The following ARHGAP32 variants were observed in gnomAD, a reference collection of about 807,000 sequenced individuals.
ARHGAP32 encodes Rho GTPase activating protein 32, also known as rho GTPase-activating protein 32.
Under a neutral mutation model 186.5 loss-of-function variants are expected in ARHGAP32, and 51 were observed. The ratio of observed to expected loss-of-function variants is 0.27; its 90% CI spans 0.22 to 0.35. ARHGAP32 has a LOEUF of 0.35. Ranked by LOEUF, ARHGAP32 falls within the 10% of genes least tolerant of loss-of-function variation. The probability of loss-of-function intolerance (pLI) is 1.00; values close to 1 mark genes in which losing one functional copy is unlikely to be tolerated. For missense variants in ARHGAP32, 2,186 were observed against 2,623.5 expected (o/e 0.83, Z 3.64); for synonymous variants, 950 against 964.3 (o/e 0.99, Z 0.27).
intron 1 of ARHGAP32, among the ~76,000 whole-genome samples, chr11:129,177,898 C>T (rs1037403097): frequency 6.6e-6 from 1 of 152,200 alleles, no homozygotes; most frequent in South Asian, 2.1e-4. Context: ...TGCCCTCTCT[C>T]ACCACTCACT....
chr11:129,177,049 T>G (rs1327202626), intron 1 of ARHGAP32, among the ~76,000 whole-genome samples: 2 of 147,174 alleles, frequency 1.4e-5, no homozygotes, highest in Middle Eastern at 3.5e-3. Flanking sequence ...GCAAGACTAA[T>G]AAAGAAAAAA....
chr11:129,186,323 T>C (rs894115938), intron 1 of ARHGAP32, among the ~76,000 whole-genome samples: 1 of 152,196 alleles, frequency 6.6e-6, no homozygotes, highest in East Asian at 1.9e-4. Flanking sequence ...CCCAAAGGGC[T>C]TAATTACTAA....
intron 18 of ARHGAP32, among the ~76,000 whole-genome samples, chr11:128,980,090 A>G (rs1266868404): frequency 6.6e-6 from 1 of 152,218 alleles, no homozygotes; most frequent in Non-Finnish European, 1.5e-5. Flanking sequence ...ACTTCTAGCA[A>G]TTATCACCAG....
intron 1 of ARHGAP32, among the ~76,000 whole-genome samples, chr11:129,211,189 GTTT>G (rs1944574880): frequency 1.3e-5 from 2 of 152,126 alleles, no homozygotes; most frequent in South Asian, 4.1e-4. Flanking sequence ...TTAACTAACT[GTTT>G]TTAACTAACT....
intron 5 of ARHGAP32, among the ~76,000 whole-genome samples, chr11:129,106,157 C>T (rs868591982): frequency 2.0e-5 from 3 of 152,066 alleles, no homozygotes; most frequent in East Asian, 1.9e-4. Flanking sequence ...TTTGACCCAG[C>T]GATCCCATTA....
intron 5 of ARHGAP32, among the ~76,000 whole-genome samples, 165 bp from the exon 6 acceptor site, chr11:129,093,872 G>A (rs1941655243): frequency 6.6e-6 from 1 of 152,132 alleles, no homozygotes; most frequent in Admixed American, 6.5e-5. Flanking sequence ...ATGAATGAAG[G>A]ACTTGGTGTT....
intron 11 of ARHGAP32, among the ~76,000 whole-genome samples, chr11:129,017,210 C>T (rs955872506): frequency 1.3e-5 from 2 of 152,206 alleles, no homozygotes; most frequent in Non-Finnish European, 1.5e-5. Context: ...AATCCCAGCA[C>T]TTTGGGAGGC....
intron 1 of ARHGAP32, among the ~76,000 whole-genome samples, chr11:129,262,783 CA>C (rs10719430): frequency 0.98 from 148,219 of 151,578 alleles, 72,482 homozygotes; most frequent in African/African-American, 0.99. Flanking sequence ...TGCAACACAC[CA>C]AAAAAAAAAC....
At chr11:129,279,011 C>T (rs895914985) in intron 1 of ARHGAP32, 121 of 147,936 alleles carry the variant, frequency 8.2e-4, no homozygotes, top group African/African-American at 2.8e-3. Flanking sequence ...CGAGAGGCTC[C>T]TCCGGGAGCA....
At chr11:129,198,379 G>A (rs1565466365) in intron 1 of ARHGAP32, among the ~76,000 whole-genome samples, 1 of 152,182 alleles carries the variant, frequency 6.6e-6, no homozygotes, top group African/African-American at 2.4e-5. Flanking sequence ...GTTTGGCTGT[G>A]TCCCCACCCA....
chr11:128,989,881 G>A lies in ARHGAP32; in HGVS notation c.1196-1756C>T, dbSNP rs571013682. Among the ~76,000 whole-genome samples, 7 of 152,190 alleles carry A rather than the reference G, an allele frequency of 4.6e-5. No homozygotes were observed. In the East Asian group the frequency reaches 1.4e-3, roughly 29 times the overall value. The stretch of plus-strand genomic sequence containing the variant: ...CAACTTCATCCATGTCCCTGCAAAG[G>A]ACATGAACTCATCCTTTTTTATGGC... On this transcript the variant is annotated intron_variant, in intron 12 of 22. Coordinates refer to ENST00000682385, the MANE Select transcript of ARHGAP32 (RefSeq NM_001378024.1).
At chr11:129,046,679 G>A (rs907280563) in intron 10 of ARHGAP32, among the ~76,000 whole-genome samples, 2 of 152,172 alleles carry the variant, frequency 1.3e-5, no homozygotes, top group African/African-American at 4.8e-5. Flanking sequence ...GAATATTAGA[G>A]AAGAAACTAC....
intron 12 of ARHGAP32, among the ~76,000 whole-genome samples, chr11:128,994,533 G>A (rs1041477743): frequency 4.0e-5 from 6 of 151,526 alleles, no homozygotes; most frequent in Admixed American, 1.3e-4. Context: ...TGCCCAGGCT[G>A]GTCTCAAACC....
At chr11:129,152,616 C>T (rs1043738254) in intron 2 of ARHGAP32, among the ~76,000 whole-genome samples, 2 of 152,044 alleles carry the variant, frequency 1.3e-5, no homozygotes, top group African/African-American at 4.8e-5. Context: ...ACCACATACA[C>T]AAAATTTATA....
chr11:129,115,419 A>C (rs1359066211), intron 5 of ARHGAP32, among the ~76,000 whole-genome samples: 1 of 152,162 alleles, frequency 6.6e-6, no homozygotes, highest in African/African-American at 2.4e-5. Flanking sequence ...AACAGACCTA[A>C]GAGTTTTTCT....
In ARHGAP32 at chr11:128,985,994, G is replaced by A. The variant is rs749985411; in HGVS notation, c.1526+9C>T. ...TACCTCTGCCTGGTATTTACCCACT[G>A]TGGCTGACCTGTAGTGTGGTGGGGG... is the stretch of plus-strand genomic sequence containing the variant. On this transcript the variant is annotated intron_variant, in intron 15 of 22. Transcript: ENST00000682385. 2 of 1,600,856 alleles carry A rather than the reference G, an allele frequency of 1.2e-6. No homozygotes were observed. Among genetic ancestry groups the A allele is most frequent in the Non-Finnish European group, 1.7e-6 (2 of 1,175,500 alleles).
Position 128,970,765 on chromosome 11 carries a change from T to A in ARHGAP32, c.4448A>T (p.Gln1483Leu). The A allele has an allele frequency of 6.2e-7, 1 of 1,614,186 alleles. No individual in the cohort carries two copies. Among genetic ancestry groups the A allele is most frequent in the Non-Finnish European group, 8.5e-7 (1 of 1,180,026 alleles). The part of the protein sequence containing the change: ...LPVPQPKHAS[Q>L]KTVYSSFARP... Reference sequence around the variant, plus strand: ...AGCAAAGGAGGAGTAAACTGTTTTCTGAGAAGCATGCTTAGGTTGTGGGAC... The same window carrying A: ...AGCAAAGGAGGAGTAAACTGTTTTCAGAGAAGCATGCTTAGGTTGTGGGAC... Residue 1483 changes from glutamine (Q) to leucine (L), a missense_variant, in exon 23 of 23, where the codon CAG becomes CTG. Physicochemically the swap from Gln to Leu is moderately radical, Grantham distance 113. Around this residue, in one of 5 missense-constraint regions of ARHGAP32, gnomAD observed 1,502 missense variants for 1,570.0 expected, o/e 0.96. Coordinates refer to ENST00000682385, the MANE Select transcript of ARHGAP32 (RefSeq NM_001378024.1). The surrounding 1 kb of genome is among the most constrained non-coding windows in gnomAD (Gnocchi z 5.8).
chr11:128,973,491 G>A, intron 21 of ARHGAP32, 59 bp from the exon 22 acceptor site: 1 of 1,573,938 alleles, frequency 6.4e-7, no homozygotes, highest in Admixed American at 1.7e-5. Context: ...TATCCTAAAT[G>A]GAAAGCCAAA....
chr11:129,080,397 T>G (rs1362810666), intron 6 of ARHGAP32, among the ~76,000 whole-genome samples: 1 of 151,944 alleles, frequency 6.6e-6, no homozygotes, highest in Non-Finnish European at 1.5e-5. Flanking sequence ...AATTATAACA[T>G]GTACTCTCTC....
Sources: gnomAD v4.1 joint callset for allele counts (sites outside exome capture counted in the v4.1 genomes callset) on GRCh38, gnomAD v4.1.1 for gene constraint, gnomAD v4.1.1 regional missense constraint, Gnocchi (gnomAD v3.1) non-coding constraint, MANE v1.5 for transcripts, NCBI Gene and HGNC (gene_info 2026-07-23, HGNC 2026-07-21) for gene names.